Variants in OXR1 observed in about 807,000 individuals in gnomAD.
OXR1 encodes the protein oxidation resistance 1.
A neutral mutation model predicts 104.6 loss-of-function variants in OXR1; 41 were observed. The observed-to-expected ratio is 0.39, with a 90% CI of 0.31 to 0.51. OXR1 has a LOEUF of 0.51. Among genes scored for constraint, OXR1 ranks in the 20% least tolerant of loss-of-function variants. The pLI, the probability that OXR1 is intolerant of heterozygous loss-of-function variation, is 0.77. For synonymous variants in OXR1, 348 were observed against 348.4 expected, an observed-to-expected ratio of 1.00 and a Z score of 0.01; for missense variants, 955 against 1,031.9, an observed-to-expected ratio of 0.93 and a Z score of 1.02.
At chr8:106,746,591 G>A (rs1835414956) in intron 16 of OXR1, among the ~76,000 whole-genome samples, 2 of 152,146 alleles carry the variant, frequency 1.3e-5, no homozygotes, top group Non-Finnish European at 2.9e-5. Flanking sequence ...GATATATAAT[G>A]ATAATTTATT....
intron 3 of OXR1, chr8:106,618,195 T>G: frequency 6.5e-7 from 1 of 1,533,116 alleles, no homozygotes; most frequent in Non-Finnish European, 8.7e-7. Flanking sequence ...TATGTGTAAG[T>G]GCTCTCTTAG....
intron 1 of OXR1, among the ~76,000 whole-genome samples, chr8:106,299,663 C>T (rs1456212346): frequency 6.6e-6 from 1 of 152,098 alleles, no homozygotes; most frequent in East Asian, 1.9e-4. Context: ...CATTGCGACA[C>T]TATTTCTATA....
intron 2 of OXR1, among the ~76,000 whole-genome samples, chr8:106,405,658 A>G (rs752822154): frequency 6.6e-6 from 1 of 152,148 alleles, no homozygotes; most frequent in African/African-American, 2.4e-5. Context: ...ATGAGAGAGT[A>G]TATCAGCCAG....
At chr8:106,487,572 AC>A (rs1480525495) in intron 2 of OXR1, among the ~76,000 whole-genome samples, 1 of 127,330 alleles carries the variant, frequency 7.9e-6, no homozygotes, top group Non-Finnish European at 1.7e-5. Context: ...ATCCCTCCCC[AC>A]CCCCCAACCC....
intron 2 of OXR1, among the ~76,000 whole-genome samples, chr8:106,496,019 A>G (rs1277101701): frequency 1.3e-5 from 2 of 152,286 alleles, no homozygotes; most frequent in South Asian, 2.1e-4. Context: ...AAAAATAAAT[A>G]TTAAATTTTC....
intron 2 of OXR1, among the ~76,000 whole-genome samples, chr8:106,423,581 A>G (rs1460814608): frequency 6.6e-6 from 1 of 152,222 alleles, no homozygotes; most frequent in Non-Finnish European, 1.5e-5. Context: ...TCTGCTAATT[A>G]GTGTGCCAGA....
intron 1 of OXR1, among the ~76,000 whole-genome samples, chr8:106,323,914 A>G (rs564635593): frequency 6.6e-6 from 1 of 152,366 alleles, no homozygotes; most frequent in East Asian, 1.9e-4. Flanking sequence ...TGTTGGTGGT[A>G]GTGTAAATTC....
chr8:106,462,816 A>T (rs1033597365), intron 2 of OXR1, among the ~76,000 whole-genome samples: 2 of 152,098 alleles, frequency 1.3e-5, no homozygotes, highest in African/African-American at 4.8e-5. Context: ...AGAACAAATA[A>T]TGATCAACCC....
intron 7 of OXR1, among the ~76,000 whole-genome samples, chr8:106,700,722 A>C (rs938982191): frequency 6.6e-6 from 1 of 152,236 alleles, no homozygotes; most frequent in Admixed American, 6.5e-5. Flanking sequence ...TGTCATACAT[A>C]GCTAGTTATC....
intron 2 of OXR1, among the ~76,000 whole-genome samples, chr8:106,403,197 A>G (rs1249598579): frequency 2.0e-5 from 3 of 152,240 alleles, no homozygotes; most frequent in African/African-American, 7.2e-5. Flanking sequence ...TTCTGCTTAT[A>G]CCAATGAAGT....
intron 1 of OXR1, among the ~76,000 whole-genome samples, chr8:106,307,209 A>AGGCGTG (rs1813498195): frequency 6.6e-6 from 1 of 152,190 alleles, no homozygotes; most frequent in Non-Finnish European, 1.5e-5. Flanking sequence ...ATGTGAAGGG[A>AGGCGTG]GGCGTGGGCA....
At chr8:106,712,612 T>C (rs1394012300) in intron 10 of OXR1, among the ~76,000 whole-genome samples, 2 of 152,066 alleles carry the variant, frequency 1.3e-5, no homozygotes, top group African/African-American at 4.8e-5. Context: ...GGAAAATCTT[T>C]ATATGTTGCT....
At chr8:106,541,617 T>G (rs1177373573) in intron 3 of OXR1, among the ~76,000 whole-genome samples, 2 of 152,206 alleles carry the variant, frequency 1.3e-5, no homozygotes, top group Non-Finnish European at 2.9e-5. Context: ...AACCTTTTAT[T>G]CTTGCTTACC....
chr8:106,449,171 G>T (rs1028152519), intron 2 of OXR1, among the ~76,000 whole-genome samples: 1 of 152,036 alleles, frequency 6.6e-6, no homozygotes, highest in African/African-American at 2.4e-5. Flanking sequence ...GGTTGAAATT[G>T]CCTTGTTAAG....
intron 3 of OXR1, among the ~76,000 whole-genome samples, chr8:106,523,262 T>A (rs1426076482): frequency 6.6e-6 from 1 of 152,204 alleles, no homozygotes; most frequent in African/African-American, 2.4e-5. Context: ...TGAGTCAGGA[T>A]CACCCAGGTA....
intron 2 of OXR1, among the ~76,000 whole-genome samples, chr8:106,395,812 A>T (rs1252724773): frequency 6.6e-6 from 1 of 152,070 alleles, no homozygotes; most frequent in Admixed American, 6.6e-5. Context: ...CAATAAAAGG[A>T]CTCAGCATTC....
At chr8:106,741,143 C>T (rs1299502832) in intron 14 of OXR1, among the ~76,000 whole-genome samples, 1 of 152,132 alleles carries the variant, frequency 6.6e-6, no homozygotes. Flanking sequence ...GACATAAGCT[C>T]ATCAACTTGC....
rs550152281 is a variant in OXR1, at chr8:106,423,676, C to T, written c.23+64040C>T. Among the ~76,000 whole-genome samples, 3 of 152,238 alleles carry T rather than the reference C, an allele frequency of 2.0e-5. No individual in the cohort carries two copies. The South Asian group carries it at 6.2e-4, about 32-fold the overall frequency. On this transcript the variant is annotated intron_variant, in intron 2 of 16. Transcript: ENST00000517566. Reference sequence around the variant, plus strand: ...ATCTTAAAAGTAGAGAAAAAATTGGCTTGGTTTTGATTTGTGCACGTGGGC... The same window carrying T: ...ATCTTAAAAGTAGAGAAAAAATTGGTTTGGTTTTGATTTGTGCACGTGGGC...
chr8:106,713,276 G>A (rs887632964), intron 10 of OXR1, among the ~76,000 whole-genome samples: 4 of 151,924 alleles, frequency 2.6e-5, no homozygotes, highest in African/African-American at 9.7e-5. Context: ...ATCAGGGAAT[G>A]TAACAACTGG....
Sources: gnomAD v4.1 joint callset for allele counts (sites outside exome capture counted in the v4.1 genomes callset) on GRCh38, gnomAD v4.1.1 for gene constraint, MANE v1.5 for transcripts, NCBI Gene and HGNC (gene_info 2026-07-23, HGNC 2026-07-21) for gene names.